Variants in MACROD2 observed in about 807,000 individuals in gnomAD.
MACROD2 encodes mono-ADP ribosylhydrolase 2, also known as ADP-ribose glycohydrolase MACROD2.
A neutral mutation model predicts 70.4 loss-of-function variants in MACROD2; 36 were observed. The observed-to-expected ratio is 0.51, with a 90% CI of 0.39 to 0.68. The LOEUF is 0.68. Ranked by LOEUF, MACROD2 falls within the 30% of genes least tolerant of loss-of-function variation. The pLI, the probability that MACROD2 is intolerant of heterozygous loss-of-function variation, is 0.00. For missense variants in MACROD2, 496 were observed against 538.4 expected, an observed-to-expected ratio of 0.92 and a Z score of 0.78; for synonymous variants, 172 against 178.8, an observed-to-expected ratio of 0.96 and a Z score of 0.30.
Position 14,119,254 on chromosome 20 carries a change from G to A in MACROD2, c.271+33526G>A, listed in dbSNP as rs546456836. ...GCGATCTTGGCTCACTGCAACCTCC[G>A]CCTCCTGGGTTCAAGTGATTCTCTT... On this transcript the variant is annotated intron_variant, in intron 3 of 17. Coordinates refer to ENST00000684519, the MANE Select transcript of MACROD2 (RefSeq NM_001351661.2). Among the ~76,000 whole-genome samples the A allele has an allele frequency of 1.5e-4, 20 of 131,086 alleles. No individual in the cohort carries two copies. The South Asian group carries it at 2.3e-3, about 15-fold the overall frequency. 86.0% of individuals were successfully genotyped at this position (131,086 alleles called of 152,430 possible).
At chr20:14,769,943 A>T (rs114483539) in intron 5 of MACROD2, among the ~76,000 whole-genome samples, 1,962 of 152,182 alleles carry the variant, frequency 0.013, 45 homozygotes, top group African/African-American at 0.045. Context: ...ATGTTGAAAA[A>T]ATTCATAAGA....
chr20:15,412,498 C>T (rs1313023043), intron 6 of MACROD2, among the ~76,000 whole-genome samples: 2 of 152,044 alleles, frequency 1.3e-5, no homozygotes, highest in Non-Finnish European at 2.9e-5. Flanking sequence ...TAAAGAAAAC[C>T]CTTGTTTAAA....
chr20:14,167,642 G>A (rs566639844), intron 3 of MACROD2, among the ~76,000 whole-genome samples: 3 of 151,928 alleles, frequency 2.0e-5, no homozygotes, highest in Admixed American at 6.6e-5. Flanking sequence ...CACCCACCTC[G>A]GCCTCCAAAG....
intron 4 of MACROD2, among the ~76,000 whole-genome samples, chr20:14,500,761 C>T (rs1600307861): frequency 6.6e-6 from 1 of 152,186 alleles, no homozygotes; most frequent in African/African-American, 2.4e-5. Context: ...AGTGAACCTC[C>T]CTGTTGAAAG....
chr20:14,830,429 C>CA (rs930283193), intron 5 of MACROD2, among the ~76,000 whole-genome samples: 15 of 152,128 alleles, frequency 9.9e-5, no homozygotes, highest in African/African-American at 3.4e-4. Context: ...CATATTCTTA[C>CA]AAAAAACATT....
rs537141460 is a variant in MACROD2 at position 15,820,703 on chromosome 20, C to G, written c.646-42042C>G. On this transcript the variant is annotated intron_variant, in intron 8 of 17. Transcript: ENST00000684519. ...ATCTTTTCTCTGCCTGAGAATTCTG[C>G]TAAGAAAACCTCCCAGCAAGGATAG... is the stretch of plus-strand genomic sequence containing the variant. 1.5e-3 allele frequency among the ~76,000 whole-genome samples: 228 copies of G among 152,278 alleles called. 3 individuals are homozygous for G. Among genetic ancestry groups the G allele is most frequent in the Non-Finnish European group, 2.0e-3 (136 of 68,014 alleles).
At chr20:15,704,325 G>T (rs2050501923) in intron 8 of MACROD2, among the ~76,000 whole-genome samples, 1 of 151,990 alleles carries the variant, frequency 6.6e-6, no homozygotes, top group African/African-American at 2.4e-5. Flanking sequence ...TCACAGATAG[G>T]AAATAATTCC....
chr20:15,462,279 C>T (rs1015875570), intron 7 of MACROD2, among the ~76,000 whole-genome samples: 1 of 152,182 alleles, frequency 6.6e-6, no homozygotes, highest in Non-Finnish European at 1.5e-5. Context: ...ACAGTATACA[C>T]ATTCATAGAT....
chr20:15,469,702 C>T (rs183517389), intron 7 of MACROD2, among the ~76,000 whole-genome samples: 6 of 152,208 alleles, frequency 3.9e-5, no homozygotes, highest in Admixed American at 3.9e-4. Flanking sequence ...GTCCAGAAGA[C>T]AACAGGATAC....
At chr20:15,790,836 A>G (rs930663978) in intron 8 of MACROD2, among the ~76,000 whole-genome samples, 2 of 151,948 alleles carry the variant, frequency 1.3e-5, no homozygotes, top group African/African-American at 4.8e-5. Flanking sequence ...AGTACCAGGA[A>G]CAAAATCATT....
intron 10 of MACROD2, among the ~76,000 whole-genome samples, chr20:15,910,942 C>T (rs1373216511): frequency 6.6e-6 from 1 of 152,206 alleles, no homozygotes; most frequent in Non-Finnish European, 1.5e-5. Context: ...TGTGCTCTGC[C>T]TCCCTCTGTA....
chr20:14,008,477 A>C (rs549808290), intron 2 of MACROD2, among the ~76,000 whole-genome samples: 1 of 152,230 alleles, frequency 6.6e-6, no homozygotes, highest in African/African-American at 2.4e-5. Flanking sequence ...CAGAGAGGAC[A>C]CAAACAGAGA....
intron 4 of MACROD2, among the ~76,000 whole-genome samples, chr20:14,582,507 T>A (rs1486363858): frequency 6.6e-6 from 1 of 152,090 alleles, no homozygotes; most frequent in African/African-American, 2.4e-5. Flanking sequence ...CTCCAAACTG[T>A]GCAGCAAACA....
At chr20:15,219,081 A>T (rs868252051) in intron 5 of MACROD2, among the ~76,000 whole-genome samples, 2 of 152,224 alleles carry the variant, frequency 1.3e-5, no homozygotes, top group Admixed American at 6.5e-5. Context: ...ATAAAAGTGA[A>T]ATTGGTGACA....
chr20:15,192,094 T>A (rs1270024272), intron 5 of MACROD2, among the ~76,000 whole-genome samples: 1 of 151,978 alleles, frequency 6.6e-6, no homozygotes, highest in East Asian at 1.9e-4. Context: ...ATATATTAGT[T>A]TATTTGGGAA....
At chr20:15,841,294 G>A (rs932999807) in intron 8 of MACROD2, among the ~76,000 whole-genome samples, 5 of 152,158 alleles carry the variant, frequency 3.3e-5, no homozygotes, top group African/African-American at 1.2e-4. Context: ...TCATGATGTT[G>A]GGGTGGTCCA....
At chr20:15,726,658 G>C (rs2050866835) in intron 8 of MACROD2, among the ~76,000 whole-genome samples, 1 of 152,046 alleles carries the variant, frequency 6.6e-6, no homozygotes, top group African/African-American at 2.4e-5. Context: ...TTGTGGTTTT[G>C]ATTTGTGGTT....
chr20:14,930,247 TA>T (rs2074281970), intron 5 of MACROD2, among the ~76,000 whole-genome samples: 1 of 151,312 alleles, frequency 6.6e-6, no homozygotes, highest in African/African-American at 2.4e-5. Context: ...TCACAATCAA[TA>T]CGTACTTTTT....
intron 5 of MACROD2, among the ~76,000 whole-genome samples, chr20:15,179,667 A>G (rs531626180): frequency 6.6e-6 from 1 of 152,298 alleles, no homozygotes; most frequent in South Asian, 2.1e-4. Context: ...AGTCCACAGG[A>G]TGCTGAGAGC....
Sources: allele counts gnomAD v4.1 joint callset (sites outside exome capture counted in the v4.1 genomes callset), GRCh38; gene constraint gnomAD v4.1.1; transcripts MANE v1.5; gene names NCBI Gene and HGNC (gene_info 2026-07-23, HGNC 2026-07-21).